Variants in CDC42BPA observed in about 807,000 individuals in gnomAD.
The protein encoded by CDC42BPA is CDC42 binding protein kinase alpha.
Under a neutral mutation model 223.5 loss-of-function variants are expected in CDC42BPA, and 80 were observed. The ratio of observed to expected loss-of-function variants is 0.36; its 90% CI spans 0.30 to 0.43. The LOEUF is 0.43. Among genes scored for constraint, CDC42BPA ranks in the 20% least tolerant of loss-of-function variants. The pLI is 1.00. For missense variants in CDC42BPA, 1,743 were observed against 2,099.9 expected (o/e 0.83, Z 3.32); for synonymous variants, 694 against 718.6 (o/e 0.97, Z 0.55).
chr1:227,259,570 C>A (rs1278773800), intron 1 of CDC42BPA, among the ~76,000 whole-genome samples: 1 of 150,910 alleles, frequency 6.6e-6, no homozygotes, highest in Non-Finnish European at 1.5e-5. Context: ...TTTTAGCTCA[C>A]AACTAGACAC....
chr1:226,999,271 G>C (rs1038500701), intron 35 of CDC42BPA, among the ~76,000 whole-genome samples: 1 of 151,672 alleles, frequency 6.6e-6, no homozygotes, highest in African/African-American at 2.4e-5. Flanking sequence ...CTGCCTCCCA[G>C]ATTCACGCCA....
chr1:227,195,430 C>T (rs573729684), intron 4 of CDC42BPA, among the ~76,000 whole-genome samples: 8 of 152,130 alleles, frequency 5.3e-5, no homozygotes, highest in East Asian at 3.9e-4. Context: ...CTGACCTGGA[C>T]GTCCCAAAGT....
chr1:227,062,498 TA>T (rs1054652198), intron 21 of CDC42BPA, among the ~76,000 whole-genome samples: 100 of 152,312 alleles, frequency 6.6e-4, no homozygotes, highest in African/African-American at 2.3e-3. Flanking sequence ...TCTTTCCAAT[TA>T]GACTGTCAGG....
chr1:227,217,777 G>A (rs926639327), intron 2 of CDC42BPA, among the ~76,000 whole-genome samples: 1 of 152,100 alleles, frequency 6.6e-6, no homozygotes, highest in Non-Finnish European at 1.5e-5. Context: ...ACTAGCCTTT[G>A]CACTTGTTGA....
chr1:227,009,478 G>A lies in CDC42BPA; in HGVS notation c.4858-4367C>T, dbSNP rs957315390. 5.9e-5 allele frequency among the ~76,000 whole-genome samples: 9 copies of A among 152,208 alleles called. No individual in the cohort carries two copies. The East Asian group carries it at 1.5e-3, about 26-fold the overall frequency. On this transcript the variant is annotated intron_variant, in intron 34 of 36. Transcript: ENST00000366766. ...AGCTGGAGTGCAGTGGTGCAATCAC[G>A]GCTCTCTGCAACTTCGACCTCCCAG...
chr1:227,274,404 G>C (rs941161955), intron 1 of CDC42BPA, among the ~76,000 whole-genome samples: 3 of 152,102 alleles, frequency 2.0e-5, no homozygotes, highest in African/African-American at 7.2e-5. Flanking sequence ...ACTTAAATGT[G>C]GAAATTTCAA....
At chr1:227,239,711 T>C (rs907937292) in intron 2 of CDC42BPA, among the ~76,000 whole-genome samples, 71 of 152,136 alleles carry the variant, frequency 4.7e-4, no homozygotes, top group Admixed American at 2.3e-3. Context: ...TATCAATAAC[T>C]ATATTTTTTA....
chr1:227,034,778 C>T lies in CDC42BPA; in HGVS notation c.3353G>A (p.Gly1118Glu). The change falls in exon 26 of 37, where the codon GGA (glycine) becomes GAA (glutamate). Residue 1118 changes from glycine (G) to glutamate (E), a missense_variant. Gly to Glu is a moderately conservative substitution (Grantham distance 98). This residue lies in a region of CDC42BPA where 678 missense variants were observed against 777.5 expected (regional missense o/e 0.87). Transcript: ENST00000366766. ...TGCTCTCTGCCACCCTTTCTTCACTCCAGCTGGCTTAGGAATCTTAGTTTT... is the reference window on the plus strand; with the variant it reads ...TGCTCTCTGCCACCCTTTCTTCACTTCAGCTGGCTTAGGAATCTTAGTTTT... Reference protein sequence around the residue: ...EGHVRIPKPAGVKKGWQRALA... With the variant: ...EGHVRIPKPAEVKKGWQRALA... 1 of 1,604,874 alleles carries T rather than the reference C, an allele frequency of 6.2e-7. No individual in the cohort carries two copies. The highest frequency in any genetic ancestry group is 1.1e-5 in the South Asian group (1 of 89,570).
At chr1:227,127,706 A>T (rs1369405098) in intron 11 of CDC42BPA, among the ~76,000 whole-genome samples, 1 of 152,208 alleles carries the variant, frequency 6.6e-6, no homozygotes, top group Non-Finnish European at 1.5e-5. Context: ...ATAAAGTAAC[A>T]GAGATTAGAT....
intron 2 of CDC42BPA, among the ~76,000 whole-genome samples, chr1:227,243,712 A>C (rs1353526758): frequency 6.6e-6 from 1 of 152,004 alleles, no homozygotes; most frequent in Non-Finnish European, 1.5e-5. Flanking sequence ...GTTCAATACA[A>C]GATCTTTGGA....
intron 1 of CDC42BPA, among the ~76,000 whole-genome samples, chr1:227,265,448 C>G (rs1020618859): frequency 2.0e-5 from 3 of 152,012 alleles, no homozygotes; most frequent in African/African-American, 7.2e-5. Flanking sequence ...TAGCTCATGC[C>G]TGTAATCCCA....
chr1:227,040,491 TAAAC>T (rs1344493494), intron 23 of CDC42BPA, among the ~76,000 whole-genome samples: 1 of 152,154 alleles, frequency 6.6e-6, no homozygotes, highest in Non-Finnish European at 1.5e-5. Flanking sequence ...GTATATAAAA[TAAAC>T]AATAGCTTTT....
chr1:227,035,349 TTA>T (rs1276095593), intron 25 of CDC42BPA, 120 bp downstream of exon 25: 2 of 695,922 alleles, frequency 2.9e-6, no homozygotes, highest in East Asian at 3.2e-5. Flanking sequence ...AATAAAATTA[TTA>T]GATGAATTTT....
intron 1 of CDC42BPA, among the ~76,000 whole-genome samples, chr1:227,270,213 G>A (rs1172297859): frequency 2.0e-5 from 3 of 152,180 alleles, no homozygotes; most frequent in South Asian, 4.1e-4. Context: ...TAATTATGCT[G>A]TGTATGTAAA....
In CDC42BPA at chr1:227,171,687, T is replaced by A. The variant is rs145866410; in HGVS notation, c.600-11051A>T. ...TTCTATGGGTGATTTTTTTTTTAAC[T>A]TCACTAGAACATCAGTACCAAAAGC... On this transcript the variant is annotated intron_variant, in intron 5 of 36. Transcript: ENST00000366766. Among the ~76,000 whole-genome samples the A allele has an allele frequency of 2.6e-5, 4 of 152,208 alleles. No individual in the cohort carries two copies. The East Asian group carries it at 7.7e-4, about 29-fold the overall frequency.
chr1:227,071,722 C>A (rs1458293912), intron 20 of CDC42BPA, among the ~76,000 whole-genome samples: 5 of 121,226 alleles, frequency 4.1e-5, no homozygotes, highest in Middle Eastern at 5.5e-3. Flanking sequence ...CCACCCCCCC[C>A]CCCCCAATTT....
At chr1:227,069,899 T>C in intron 20 of CDC42BPA, 46 bp from the exon 21 acceptor site, 1 of 1,251,502 alleles carries the variant, frequency 8.0e-7, no homozygotes, top group Non-Finnish European at 1.2e-6. Context: ...CAATTAAAAT[T>C]GATTTTAATG....
chr1:227,312,972 G>A (rs578014721), intron 1 of CDC42BPA, among the ~76,000 whole-genome samples: 1 of 152,022 alleles, frequency 6.6e-6, no homozygotes, highest in African/African-American at 2.4e-5. Context: ...TGTAGCCTGC[G>A]GAACTGTGAG....
chr1:227,203,863 C>T (rs144146383), intron 3 of CDC42BPA, among the ~76,000 whole-genome samples: 1 of 152,286 alleles, frequency 6.6e-6, no homozygotes, highest in African/African-American at 2.4e-5. Flanking sequence ...GTAAGGACTA[C>T]ATACATAAAT....
Sources: allele counts gnomAD v4.1 joint callset (sites outside exome capture counted in the v4.1 genomes callset), GRCh38; gene constraint gnomAD v4.1.1; regional missense constraint gnomAD v4.1.1; transcripts MANE v1.5; gene names NCBI Gene and HGNC (gene_info 2026-07-23, HGNC 2026-07-21).